Variants in POLK observed in about 807,000 individuals in gnomAD.
POLK encodes the protein polymerase (DNA directed) kappa.
A neutral mutation model predicts 94.0 loss-of-function variants in POLK; 76 were observed. That is an observed-to-expected ratio of 0.81 (90% CI 0.67 to 0.98). The LOEUF is 0.98. Ranked by LOEUF, POLK falls within the 50% of genes least tolerant of loss-of-function variation. The probability of loss-of-function intolerance (pLI) is 0.00; values close to 1 mark genes in which losing one functional copy is unlikely to be tolerated. For missense variants in POLK, 954 were observed against 1,010.1 expected, an observed-to-expected ratio of 0.94 and a Z score of 0.75; for synonymous variants, 349 against 325.4, an observed-to-expected ratio of 1.07 and a Z score of -0.78.
intron 6 of POLK, 97 bp from the exon 7 acceptor site, chr5:75,581,112 T>C: frequency 1.3e-6 from 1 of 785,570 alleles, no homozygotes. Flanking sequence ...TAAACTAGAT[T>C]TTTGTTTTTG....
chr5:75,512,103 T>C, intron 1 of POLK, 189 bp downstream of exon 1: 1 of 286,232 alleles, frequency 3.5e-6, no homozygotes. Context: ...ACGGGCCTGC[T>C]TTCCAGGGCG....
At chr5:75,564,756 C>T (rs182777437) in intron 3 of POLK, among the ~76,000 whole-genome samples, 5 of 152,296 alleles carry the variant, frequency 3.3e-5, no homozygotes, top group East Asian at 3.9e-4. Context: ...AGAGATCTGC[C>T]GTTATTCTGA....
chr5:75,574,020 A>G, intron 5 of POLK, 151 bp downstream of exon 5: 1 of 649,070 alleles, frequency 1.5e-6, no homozygotes, highest in Non-Finnish European at 2.7e-6. Context: ...TATATTGAAT[A>G]CTGAGCTGCA....
chr5:75,547,930 T>C (rs946177513), intron 2 of POLK, among the ~76,000 whole-genome samples: 2 of 152,128 alleles, frequency 1.3e-5, no homozygotes, highest in Non-Finnish European at 2.9e-5. Context: ...TAGTTTCATA[T>C]CTTTTCTTTT....
At chr5:75,587,745 A>C (rs1045924714) in intron 10 of POLK, among the ~76,000 whole-genome samples, 6 of 152,130 alleles carry the variant, frequency 3.9e-5, no homozygotes, top group African/African-American at 1.4e-4. Flanking sequence ...ACATGGCAAA[A>C]CCCTGACTCT....
At chr5:75,581,210 T>C (rs139559216) in exon 7 of POLK, 1 of 1,591,298 alleles carries the variant, frequency 6.3e-7, no homozygotes, top group Non-Finnish European at 8.6e-7. Context: ...ATGACTTAGA[T>C]AATCCAGGAA....
chr5:75,523,970 A>C (rs1768709947), intron 1 of POLK, among the ~76,000 whole-genome samples: 1 of 152,028 alleles, frequency 6.6e-6, no homozygotes, highest in African/African-American at 2.4e-5. Context: ...TCTCTACTAA[A>C]AATGCAAAAA....
chr5:75,589,682 T>A (rs555348257), intron 10 of POLK, among the ~76,000 whole-genome samples: 1 of 152,288 alleles, frequency 6.6e-6, no homozygotes, highest in East Asian at 1.9e-4. Flanking sequence ...ACTGAGTAGC[T>A]GAGGATAAGG....
intron 3 of POLK, among the ~76,000 whole-genome samples, chr5:75,567,242 A>G (rs1012427532): frequency 2.6e-5 from 4 of 152,204 alleles, no homozygotes; most frequent in Non-Finnish European, 4.4e-5. Flanking sequence ...TCCATGTCCA[A>G]GTATTTCAGA....
intron 4 of POLK, among the ~76,000 whole-genome samples, chr5:75,571,030 T>C (rs765341206): frequency 1.3e-5 from 2 of 152,146 alleles, no homozygotes; most frequent in Non-Finnish European, 2.9e-5. Flanking sequence ...TGTTTATGTA[T>C]GTGTATACAT....
chr5:75,538,694 T>C (rs1769581699), intron 1 of POLK: 2 of 152,214 alleles, frequency 1.3e-5, no homozygotes, highest in Admixed American at 1.3e-4. Context: ...TTTACTAATT[T>C]AGTGTAAATC....
chr5:75,536,962 C>A (rs144084677), intron 1 of POLK, among the ~76,000 whole-genome samples: 145 of 152,298 alleles, frequency 9.5e-4, no homozygotes, highest in African/African-American at 3.3e-3. Flanking sequence ...TGAGTTCACA[C>A]AGAAGCAGGA....
intron 3 of POLK, among the ~76,000 whole-genome samples, chr5:75,554,178 A>G (rs1241162074): frequency 1.3e-5 from 2 of 152,188 alleles, no homozygotes; most frequent in African/African-American, 4.8e-5. Context: ...AGGAGAAGCT[A>G]TAACTTTAGC....
chr5:75,582,272 AT>A (rs1335150717), intron 7 of POLK: 3 of 255,286 alleles, frequency 1.2e-5, no homozygotes, highest in African/African-American at 6.9e-5. Context: ...ACCCTGAACT[AT>A]CTTGTAAAAG....
chr5:75,570,868 T>A (rs1185650936), intron 4 of POLK, among the ~76,000 whole-genome samples: 2 of 152,224 alleles, frequency 1.3e-5, no homozygotes, highest in Non-Finnish European at 2.9e-5. Flanking sequence ...TTTGTTTTTT[T>A]ATCTCTGCCT....
exon 15 of POLK, chr5:75,598,367 T>G (rs1561419040): frequency 6.5e-6 from 1 of 154,684 alleles, no homozygotes; most frequent in Non-Finnish European, 1.4e-5. Flanking sequence ...GCCTATATTA[T>G]CATAAGAATT....
chr5:75,605,832 G>A (rs1000522047), downstream of POLK, among the ~76,000 whole-genome samples: 5 of 152,192 alleles, frequency 3.3e-5, no homozygotes, highest in Non-Finnish European at 7.3e-5. Context: ...AGGGAGCAAA[G>A]TGTAGGGGTG....
Position 75,584,845 on chromosome 5 carries a change from T to C in POLK, c.1145T>C (p.Leu382Ser). The C allele has an allele frequency of 1.9e-6, 3 of 1,604,004 alleles. No individual in the cohort carries two copies. In the African/African-American group the frequency reaches 4.0e-5, roughly 21 times the overall value. Residue 382 changes from leucine (L) to serine (S), a missense_variant, in exon 9 of 15, where the codon TTG becomes TCG. By Grantham distance (145) the Leu-to-Ser change is moderately radical (BLOSUM62 -2). Coordinates refer to ENST00000241436, the Ensembl canonical transcript of POLK. ...ACAGAACTTTACCAACAGAGGGCAT[T>C]GCTTTCTCTCCTTTTCTCTGAAACA...
Position 75,527,377 on chromosome 5 carries a change from G to A in POLK, c.-14+15463G>A, listed in dbSNP as rs150136446. Among the ~76,000 whole-genome samples the A allele has an allele frequency of 9.1e-4, 138 of 151,790 alleles. 1 individual carries two copies. The highest frequency in any genetic ancestry group is 3.1e-3 in the African/African-American group (127 of 41,384). ...ATAAATAAATAAAACAAAATTAGCT[G>A]GTTTTGGTGGTGCACGCCTGTGGTC... On this transcript the variant is annotated intron_variant, in intron 1 of 14. Coordinates refer to ENST00000241436, the Ensembl canonical transcript of POLK.
Sources: allele counts gnomAD v4.1 joint callset (sites outside exome capture counted in the v4.1 genomes callset), GRCh38; gene constraint gnomAD v4.1.1; transcripts MANE v1.5; gene names NCBI Gene and HGNC (gene_info 2026-07-23, HGNC 2026-07-21).